Variants in MOBP observed in about 807,000 individuals in gnomAD.
MOBP encodes myelin-associated oligodendrocyte basic protein.
A neutral mutation model predicts 15.0 loss-of-function variants in MOBP; 5 were observed. The ratio of observed to expected loss-of-function variants is 0.33; its 90% confidence interval spans 0.17 to 0.70. The LOEUF (loss-of-function observed/expected upper bound fraction) is 0.70. Among genes scored for constraint, MOBP ranks in the 30% least tolerant of loss-of-function variants. The probability of loss-of-function intolerance (pLI) is 0.67; values close to 1 mark genes in which losing one functional copy is unlikely to be tolerated. For missense variants in MOBP, 188 were observed against 257.8 expected, an observed-to-expected ratio of 0.73 and a Z score of 1.85; for synonymous variants, 88 against 99.0, an observed-to-expected ratio of 0.89 and a Z score of 0.66.
At chr3:39,526,009 A>G (rs1359410479), downstream of MOBP, 1 of 152,464 alleles carries the variant, frequency 6.6e-6, no homozygotes, top group Non-Finnish European at 1.5e-5. Flanking sequence ...TGAGGCCATT[A>G]CATTCCTGGG....
downstream of MOBP, among the ~76,000 whole-genome samples, chr3:39,519,494 A>G (rs545190821): frequency 2.4e-3 from 354 of 145,110 alleles, no homozygotes; most frequent in Non-Finnish European, 3.2e-3. Context: ...GGCTTAGACT[A>G]TAAATGGCAT....
chr3:39,489,865 C>A (rs79040748), intron 2 of MOBP, among the ~76,000 whole-genome samples: 2,054 of 152,314 alleles, frequency 0.013, 20 homozygotes, highest in Non-Finnish European at 0.02. Flanking sequence ...TAGCTTCCTG[C>A]TGCTTTCAGT....
Position 39,489,011 on chromosome 3 carries a change from C to G in MOBP, c.-5+8888C>G, listed in dbSNP as rs546529741. On this transcript the variant is annotated intron_variant, in intron 2 of 3. Transcript: ENST00000684792. ...CATTCCTTAGCTCACTTTCAAGGGC[C>G]TGCCTGGTCTTTCTCATGCCTTGCC... is the stretch of plus-strand genomic sequence containing the variant. Among the ~76,000 whole-genome samples, 4 of 152,296 alleles carry G rather than the reference C, an allele frequency of 2.6e-5. No homozygotes were observed. In the South Asian group the frequency reaches 8.3e-4, roughly 32 times the overall value.
chr3:39,474,002 A>C (rs1366893968), intron 1 of MOBP, among the ~76,000 whole-genome samples: 1 of 152,232 alleles, frequency 6.6e-6, no homozygotes, highest in East Asian at 1.9e-4. Flanking sequence ...TACCAGTCCA[A>C]GGTAGAAGGA....
At chr3:39,492,519 A>G (rs550816530) in intron 2 of MOBP, among the ~76,000 whole-genome samples, 1 of 152,314 alleles carries the variant, frequency 6.6e-6, no homozygotes, top group South Asian at 2.1e-4. Context: ...TTCTCAGCCA[A>G]TATTCATCAT....
chr3:39,483,554 T>G (rs1343832907), intron 2 of MOBP, among the ~76,000 whole-genome samples: 1 of 152,188 alleles, frequency 6.6e-6, no homozygotes, highest in Non-Finnish European at 1.5e-5. Context: ...ATAATCTGAG[T>G]TCTCTTCTTA....
At chr3:39,478,404 A>G (rs976395044) in intron 1 of MOBP, among the ~76,000 whole-genome samples, 1 of 152,220 alleles carries the variant, frequency 6.6e-6, no homozygotes, top group Non-Finnish European at 1.5e-5. Context: ...TAAAGCATCT[A>G]TGATGTTTGT....
chr3:39,468,632 T>C (rs1018942619), intron 1 of MOBP, among the ~76,000 whole-genome samples: 3 of 151,984 alleles, frequency 2.0e-5, no homozygotes, highest in Non-Finnish European at 4.4e-5. Flanking sequence ...TCCTTTATCA[T>C]TCTCTTTCTC....
At chr3:39,480,792 A>G (rs573092518) in intron 2 of MOBP, among the ~76,000 whole-genome samples, 1 of 152,216 alleles carries the variant, frequency 6.6e-6, no homozygotes, top group South Asian at 2.1e-4. Flanking sequence ...AGTGTTCACC[A>G]CTCCAGTGAA....
chr3:39,494,796 C>CGA (rs564079882), intron 2 of MOBP, among the ~76,000 whole-genome samples: 5,889 of 116,762 alleles, frequency 0.05, 439 homozygotes, highest in African/African-American at 0.14. Flanking sequence ...CCCCCCGCCC[C>CGA]CCGAGTTACG....
In MOBP at chr3:39,478,983, C is replaced by T. The variant is rs148670513; in HGVS notation, c.-88-1057C>T. Among the ~76,000 whole-genome samples the T allele has an allele frequency of 7.5e-3, 1,138 of 152,150 alleles. 11 individuals are homozygous for T. The highest frequency in any genetic ancestry group is 0.027 in the African/African-American group (1,105 of 41,512). On this transcript the variant is annotated intron_variant, in intron 1 of 3. Coordinates refer to ENST00000684792, the MANE Select transcript of MOBP (RefSeq NM_001393704.1). ...TAGCTGGGATTACAGGCGCCTGCCA[C>T]CACGCCTGGCTAATTTTTGTATTTT...
At chr3:39,513,588 C>G in exon 5 of MOBP, 1 of 690,862 alleles carries the variant, frequency 1.4e-6, no homozygotes, top group Non-Finnish European at 2.5e-6. Flanking sequence ...ATGGGGGCCT[C>G]AGGGCAGCCT....
chr3:39,494,782 G>GCCCCCCCCCCC (rs142834446), intron 2 of MOBP, among the ~76,000 whole-genome samples: 24 of 85,960 alleles, frequency 2.8e-4, no homozygotes, highest in Admixed American at 5.5e-4. Flanking sequence ...TATTTTCAAA[G>GCCCCCCCCCCC]CCCCCCCCCG....
At chr3:39,470,414 C>T (rs894325988) in intron 1 of MOBP, among the ~76,000 whole-genome samples, 2 of 152,182 alleles carry the variant, frequency 1.3e-5, no homozygotes, top group African/African-American at 4.8e-5. Flanking sequence ...TAGGAACTAT[C>T]ATTCACATTT....
At chr3:39,513,451 A>G (rs2043147814) in exon 5 of MOBP, 1 of 1,611,002 alleles carries the variant, frequency 6.2e-7, no homozygotes, top group Admixed American at 1.7e-5. Flanking sequence ...TGAATGAACA[A>G]CCTCGGCTCC....
intron 1 of MOBP, among the ~76,000 whole-genome samples, chr3:39,473,307 C>T (rs1013774483): frequency 1.3e-5 from 2 of 152,228 alleles, no homozygotes; most frequent in African/African-American, 4.8e-5. Flanking sequence ...TTACCCATCA[C>T]TCCCAGGAGG....
At chr3:39,520,575 T>TGAGA (rs10532496), downstream of MOBP, among the ~76,000 whole-genome samples, 268 of 147,496 alleles carry the variant, frequency 1.8e-3, 2 homozygotes, top group Middle Eastern at 0.014. Flanking sequence ...TGTGTGTGTA[T>TGAGA]GAGAGAGAGA....
chr3:39,497,412 C>A (rs2042903037), intron 2 of MOBP, among the ~76,000 whole-genome samples: 1 of 152,198 alleles, frequency 6.6e-6, no homozygotes, highest in Non-Finnish European at 1.5e-5. Context: ...ACTTATCCCA[C>A]CCCTGGGTCC....
chr3:39,489,355 G>C (rs2042761216), intron 2 of MOBP, among the ~76,000 whole-genome samples: 1 of 152,038 alleles, frequency 6.6e-6, no homozygotes, highest in Admixed American at 6.6e-5. Flanking sequence ...CTTCTTCTCT[G>C]TACCCTAAGC....
Sources: gnomAD v4.1 joint callset for allele counts (sites outside exome capture counted in the v4.1 genomes callset) on GRCh38, gnomAD v4.1.1 for gene constraint, MANE v1.5 for transcripts, NCBI Gene and HGNC (gene_info 2026-07-23, HGNC 2026-07-21) for gene names.